SMG5: variants seen among roughly 807,000 people sequenced by gnomAD.
The protein encoded by SMG5 is SMG5 nonsense mediated mRNA decay factor, also known as nonsense-mediated mRNA decay factor SMG5.
Under a neutral mutation model 122.9 loss-of-function variants are expected in SMG5, and 53 were observed. The observed-to-expected ratio is 0.43, with a 90% CI of 0.35 to 0.54. The LOEUF is 0.54. Among genes scored for constraint, SMG5 ranks in the 20% least tolerant of loss-of-function variants. The probability of loss-of-function intolerance (pLI) is 0.01; values close to 1 mark genes in which losing one functional copy is unlikely to be tolerated. For missense variants in SMG5, 1,153 were observed against 1,285.6 expected, an observed-to-expected ratio of 0.90 and a Z score of 1.58; for synonymous variants, 477 against 490.2, an observed-to-expected ratio of 0.97 and a Z score of 0.35.
At chr1:156,261,306 G>T in intron 14 of SMG5, 27 bp downstream of exon 14, 1 of 1,607,546 alleles carries the variant, frequency 6.2e-7, no homozygotes, top group East Asian at 2.2e-5. Context: ...AGCAAAGAAA[G>T]GAGGGTAGTG....
intron 3 of SMG5, 120 bp downstream of exon 3, chr1:156,277,805 C>T (rs1662750159): frequency 5.2e-6 from 7 of 1,355,538 alleles, no homozygotes; most frequent in South Asian, 1.3e-5. Flanking sequence ...AGCCACCGTG[C>T]CCAGCCTCTT....
At chr1:156,253,576 C>G (rs187146486) in intron 16 of SMG5, 68 bp from the exon 17 acceptor site, 68 of 1,475,392 alleles carry the variant, frequency 4.6e-5, no homozygotes, top group Admixed American at 2.2e-4. Context: ...TCAGGAAGAC[C>G]AAGAGGGTTT....
rs775972345 is a variant in SMG5 at position 156,268,262 on chromosome 1, A to T, written c.839+28T>A. The T allele has an allele frequency of 5.6e-6, 9 of 1,613,452 alleles. No homozygotes were observed. The Admixed American group carries it at 1.5e-4, about 27-fold the overall frequency. On this transcript the variant is annotated intron_variant, in intron 8 of 21. Transcript: ENST00000361813. The stretch of plus-strand genomic sequence containing the variant: ...TCCTACTGCACCAACTGCAGAAAAA[A>T]CCCGTCCTCCTCACAGGCCCCACTC...
Position 156,250,663 on chromosome 1 carries a change from AG to A in SMG5, c.2974del (p.Leu992CysfsTer36). 2 of 1,614,080 alleles carry A rather than the reference AG, an allele frequency of 1.2e-6. No individual in the cohort carries two copies. The highest frequency in any genetic ancestry group is 1.7e-6 in the Non-Finnish European group (2 of 1,179,942). ...CACACTGGCGTGGGCAGCGGCCTGC[AG>A]GGCTGCCTGTGGAATGGGAGAAGGA... ...SVLSGPMQAA[L>X]QAAAHASVDI... On this transcript the variant is annotated frameshift_variant, in exon 22 of 22. Coordinates refer to ENST00000361813, the MANE Select transcript of SMG5 (RefSeq NM_015327.3). LOFTEE classifies it high-confidence loss of function.
intron 9 of SMG5, 132 bp from the exon 10 acceptor site, chr1:156,267,810 T>C (rs1045441719): frequency 1.1e-5 from 9 of 800,338 alleles, no homozygotes; most frequent in East Asian, 2.7e-5. Flanking sequence ...CAGGGAAGGG[T>C]AGTGCTGGAT....
At chr1:156,266,474 T>G (rs1662150108) in intron 11 of SMG5, 67 bp downstream of exon 11, 1 of 1,609,798 alleles carries the variant, frequency 6.2e-7, no homozygotes, top group African/African-American at 1.3e-5. Flanking sequence ...CGAGTCTGTG[T>G]TCCTTTCCTT....
chr1:156,274,829 C>T, intron 4 of SMG5, 143 bp from the exon 5 acceptor site: 2 of 650,080 alleles, frequency 3.1e-6, no homozygotes, highest in Non-Finnish European at 5.5e-6. Flanking sequence ...CACACTCATC[C>T]AGGACACAGG....
In SMG5 at chr1:156,282,739, C is replaced by A; in HGVS notation, c.-59G>T. 3 of 1,525,114 alleles carry A rather than the reference C, an allele frequency of 2.0e-6. No homozygotes were observed. The highest frequency in any genetic ancestry group is 1.8e-6 in the Non-Finnish European group (2 of 1,134,184). 94.5% of individuals were successfully genotyped at this position (1,525,114 alleles called of 1,614,324 possible). A position where few individuals can be genotyped will look rare whatever the true frequency, so the allele number is the denominator to read the frequency against. On this transcript the variant is annotated 5_prime_UTR_variant, in exon 1 of 22. Coordinates refer to ENST00000361813, the MANE Select transcript of SMG5 (RefSeq NM_015327.3). ...GGCCCCTGCCACCCACCACTACCGCCAACACTGCCGTCTCCGGCCGTAGCC... is the reference window on the plus strand; with the variant it reads ...GGCCCCTGCCACCCACCACTACCGCAAACACTGCCGTCTCCGGCCGTAGCC...
rs35457785 is a variant in SMG5 at position 156,265,036 on chromosome 1, TACAC to T, written c.1855+741_1855+744del. Reference sequence around the variant, plus strand: ...GTGAGACTCTGTCTCAAAAAAAAAATACACACACACACACACACACACACACACA... The same window carrying T: ...GTGAGACTCTGTCTCAAAAAAAAAATACACACACACACACACACACACACA... On this transcript the variant is annotated intron_variant, in intron 12 of 21. Coordinates refer to ENST00000361813, the MANE Select transcript of SMG5 (RefSeq NM_015327.3). Among the ~76,000 whole-genome samples the T allele has an allele frequency of 5.3e-3, 656 of 122,810 alleles. 4 individuals are homozygous for T. The highest frequency in any genetic ancestry group is 0.016 in the African/African-American group (508 of 30,848). 80.6% of individuals were successfully genotyped at this position (122,810 alleles called of 152,430 possible).
chr1:156,277,263 G>C (rs1328290480), intron 3 of SMG5, 22 bp from the exon 4 acceptor site: 2 of 1,608,728 alleles, frequency 1.2e-6, no homozygotes, highest in East Asian at 2.2e-5. Flanking sequence ...GAAAGGGAAG[G>C]GGCTGGTTAA....
In SMG5 at chr1:156,266,539, A is replaced by C. The variant is rs1195659551; in HGVS notation, c.1255+2T>G. 1 of 1,613,538 alleles carries C rather than the reference A, an allele frequency of 6.2e-7. No individual in the cohort carries two copies. On this transcript the variant is annotated splice_donor_variant, in intron 11 of 21. Transcript: ENST00000361813. LOFTEE classifies it high-confidence loss of function. Reference sequence around the variant, plus strand: ...TAGTGATGACCTCCCCGATTCTCCCACCTGTGCCATCACTCTGGAATGCCG... The same window carrying C: ...TAGTGATGACCTCCCCGATTCTCCCCCCTGTGCCATCACTCTGGAATGCCG...
intron 17 of SMG5, 101 bp downstream of exon 17, chr1:156,253,348 A>C: frequency 8.0e-7 from 1 of 1,249,998 alleles, no homozygotes; most frequent in Non-Finnish European, 1.2e-6. Context: ...CACAGAGGCA[A>C]CAGAGCAGGG....
intron 19 of SMG5, 114 bp downstream of exon 19, chr1:156,252,300 G>A (rs1452725762): frequency 2.3e-6 from 2 of 878,888 alleles, no homozygotes; most frequent in Non-Finnish European, 3.7e-6. Context: ...CTAACTGTGA[G>A]TAGAGACGGG....
At chr1:156,278,209 G>A (rs1348928775) in intron 2 of SMG5, among the ~76,000 whole-genome samples, 161 bp from the exon 3 acceptor site, 2 of 152,124 alleles carry the variant, frequency 1.3e-5, no homozygotes, top group African/African-American at 4.8e-5. Flanking sequence ...AGCAGCCTAG[G>A]AAGGCAGTGG....
At chr1:156,261,211 A>G (rs1572579048) in intron 14 of SMG5, 122 bp downstream of exon 14, 1 of 885,922 alleles carries the variant, frequency 1.1e-6, no homozygotes, top group East Asian at 2.4e-5. Flanking sequence ...TGTGCTAGGG[A>G]GGCTGGCAGT....
chr1:156,270,783 G>A (rs1201094490), intron 7 of SMG5, among the ~76,000 whole-genome samples: 2 of 152,180 alleles, frequency 1.3e-5, no homozygotes, highest in African/African-American at 4.8e-5. Flanking sequence ...CAAGGCAGGC[G>A]GATCACCTGA....
At chr1:156,256,035 A>G (rs951693171) in intron 16 of SMG5, among the ~76,000 whole-genome samples, 8 of 152,232 alleles carry the variant, frequency 5.3e-5, no homozygotes, top group African/African-American at 1.9e-4. Context: ...AAAACTGAGA[A>G]CTGTCAGAGA....
At chr1:156,251,516 G>T in intron 19 of SMG5, 39 bp from the exon 20 acceptor site, 1 of 1,604,098 alleles carries the variant, frequency 6.2e-7, no homozygotes, top group South Asian at 1.1e-5. Context: ...AGGAGCAGGA[G>T]ACTGGCAGGG....
At chr1:156,276,127 C>T (rs570913147) in intron 4 of SMG5, among the ~76,000 whole-genome samples, 49 of 128,744 alleles carry the variant, frequency 3.8e-4, no homozygotes, top group Admixed American at 1.2e-3. Context: ...AGAGGTTTGG[C>T]TTTTTTTTTT....
Sources: allele counts gnomAD v4.1 joint callset (sites outside exome capture counted in the v4.1 genomes callset), GRCh38; gene constraint gnomAD v4.1.1; transcripts MANE v1.5; gene names NCBI Gene and HGNC (gene_info 2026-07-23, HGNC 2026-07-21).